The following CNTNAP5 variants were observed in gnomAD, a reference collection of about 807,000 sequenced individuals.
The protein encoded by CNTNAP5 is contactin-associated protein-like 5.
In CNTNAP5, 72 loss-of-function variants were observed where a neutral mutation model predicts 150.2. The ratio of observed to expected loss-of-function variants is 0.48; its 90% confidence interval spans 0.40 to 0.58. The LOEUF (loss-of-function observed/expected upper bound fraction) is 0.58, where lower values mean the gene tolerates loss of function less well. Among genes scored for constraint, CNTNAP5 ranks in the 20% least tolerant of loss-of-function variants. CNTNAP5 has a pLI of 0.00. For missense variants in CNTNAP5, 1,636 were observed against 1,626.2 expected (o/e 1.01, Z -0.10); for synonymous variants, 672 against 619.8 (o/e 1.08, Z -1.25).
intron 21 of CNTNAP5, among the ~76,000 whole-genome samples, chr2:124,877,290 T>C (rs893902745): frequency 2.6e-5 from 4 of 152,154 alleles, no homozygotes; most frequent in African/African-American, 9.6e-5. Context: ...TTACTCATTT[T>C]ATATCGTCAC....
intron 4 of CNTNAP5, among the ~76,000 whole-genome samples, chr2:124,423,462 C>T (rs192326486): frequency 3.3e-5 from 5 of 152,148 alleles, no homozygotes; most frequent in Admixed American, 3.3e-4. Flanking sequence ...GAAGTTCTGT[C>T]TGGGGGCTTC....
chr2:124,782,236 A>G (rs747072181), intron 17 of CNTNAP5, among the ~76,000 whole-genome samples: 1 of 151,696 alleles, frequency 6.6e-6, no homozygotes, highest in African/African-American at 2.4e-5. Context: ...GCTTCCTTCC[A>G]TTTATTCCTG....
chr2:124,072,828 T>C (rs1014938288), intron 1 of CNTNAP5, among the ~76,000 whole-genome samples: 3 of 151,962 alleles, frequency 2.0e-5, no homozygotes, highest in Admixed American at 1.3e-4. Flanking sequence ...AAAATACCAA[T>C]GACATCCTTC....
chr2:124,779,853 CT>C (rs1430441984), intron 17 of CNTNAP5, among the ~76,000 whole-genome samples: 1 of 152,164 alleles, frequency 6.6e-6, no homozygotes, highest in African/African-American at 2.4e-5. Flanking sequence ...GTACACCCCC[CT>C]ATCTCTGTGA....
At chr2:124,069,203 C>T (rs953345629) in intron 1 of CNTNAP5, among the ~76,000 whole-genome samples, 1 of 152,122 alleles carries the variant, frequency 6.6e-6, no homozygotes, top group Admixed American at 6.6e-5. Context: ...AGTGGCCTAG[C>T]AGAACTCCCT....
At chr2:124,725,523 T>C (rs1038747342) in intron 13 of CNTNAP5, among the ~76,000 whole-genome samples, 1 of 147,240 alleles carries the variant, frequency 6.8e-6, no homozygotes, top group Non-Finnish European at 1.5e-5. Flanking sequence ...TCCTCTTCTC[T>C]CCTCTTGTTT....
At chr2:124,341,878 A>C (rs1048865348) in intron 3 of CNTNAP5, among the ~76,000 whole-genome samples, 2 of 152,260 alleles carry the variant, frequency 1.3e-5, no homozygotes, top group Middle Eastern at 3.4e-3. Context: ...CAAGCTGACC[A>C]GTTTTGTCTT....
intron 1 of CNTNAP5, among the ~76,000 whole-genome samples, chr2:124,060,545 T>C (rs1243511710): frequency 1.3e-5 from 2 of 152,194 alleles, no homozygotes; most frequent in Non-Finnish European, 2.9e-5. Flanking sequence ...TTTGTGGGTA[T>C]ACCCGTATGG....
At chr2:124,824,693 G>A (rs1039748579) in intron 19 of CNTNAP5, among the ~76,000 whole-genome samples, 3 of 152,146 alleles carry the variant, frequency 2.0e-5, no homozygotes, top group Non-Finnish European at 4.4e-5. Context: ...GAGCCACTTT[G>A]CTCCCAGCTG....
At chr2:124,342,430 C>T (rs761177666) in intron 3 of CNTNAP5, among the ~76,000 whole-genome samples, 32 of 152,158 alleles carry the variant, frequency 2.1e-4, no homozygotes, top group Non-Finnish European at 4.0e-4. Flanking sequence ...ATGGCAGCCC[C>T]GTGAACCGTG....
chr2:124,204,521 T>A (rs1030376739), intron 1 of CNTNAP5, among the ~76,000 whole-genome samples: 3 of 152,184 alleles, frequency 2.0e-5, no homozygotes, highest in African/African-American at 7.2e-5. Context: ...ATTTACTGTT[T>A]TAGTCCATTT....
rs1189997225 is a variant in CNTNAP5 at position 124,713,215 on chromosome 2, CTCTGTTTCTTTCTTTCTTTCTTTCTT to C, written c.2078-34010_2078-33985del. ...CCTTCCTCCCTCCCTTCCTTTCTTT[CTCTGTTTCTTTCTTTCTTTCTTTCTT>C]TCTCTTTCTTTCTTTCTTTCTTTCT... On this transcript the variant is annotated intron_variant, in intron 13 of 23. Transcript: ENST00000682447. Among the ~76,000 whole-genome samples, 55 of 118,718 alleles carry C rather than the reference CTCTGTTTCTTTCTTTCTTTCTTTCTT, an allele frequency of 4.6e-4. 4 individuals carry two copies. Among genetic ancestry groups the C allele is most frequent in the African/African-American group, 1.5e-3 (49 of 31,704 alleles). 77.9% of individuals were successfully genotyped at this position (118,718 alleles called of 152,430 possible). A position where few individuals can be genotyped will look rare whatever the true frequency, so the allele number is the denominator to read the frequency against.
Position 124,561,205 on chromosome 2 carries a change from A to G in CNTNAP5, c.1650-2012A>G, listed in dbSNP as rs546637246. 4.6e-5 allele frequency among the ~76,000 whole-genome samples: 7 copies of G among 152,342 alleles called. No individual in the cohort carries two copies. In the South Asian group the frequency reaches 6.2e-4, roughly 14 times the overall value. On this transcript the variant is annotated intron_variant, in intron 10 of 23. Coordinates refer to ENST00000682447, the MANE Select transcript of CNTNAP5 (RefSeq NM_001367498.1). ...CTTCAGAAGAGAAAATTATGGCACA[A>G]GGTAAACTGCAGAAGAAGCAGTATT...
intron 19 of CNTNAP5, among the ~76,000 whole-genome samples, chr2:124,847,646 C>T (rs999387179): frequency 6.6e-6 from 1 of 152,146 alleles, no homozygotes; most frequent in Non-Finnish European, 1.5e-5. Flanking sequence ...CTTAGCTTTC[C>T]TGGTACGTTC....
At chr2:124,071,348 A>T (rs2104664554) in intron 1 of CNTNAP5, among the ~76,000 whole-genome samples, 1 of 152,054 alleles carries the variant, frequency 6.6e-6, no homozygotes, top group South Asian at 2.1e-4. Flanking sequence ...TAAATAATAA[A>T]GATTGGGGCA....
rs372982320 is a variant in CNTNAP5, at chr2:124,609,954, A to G, written c.1876+34A>G. On this transcript the variant is annotated intron_variant, in intron 12 of 23. Transcript: ENST00000682447. ...GCAGTAGCCCTACTCACACTTAACCACCCCACTTCATGGAAGGAAGCAAAA... is the reference window on the plus strand; with the variant it reads ...GCAGTAGCCCTACTCACACTTAACCGCCCCACTTCATGGAAGGAAGCAAAA... 2.4e-5 allele frequency: 38 copies of G among 1,576,454 alleles called. No individual in the cohort carries two copies. The African/African-American group carries it at 2.7e-4, about 11-fold the overall frequency.
chr2:124,886,021 C>T (rs926293489), intron 21 of CNTNAP5, among the ~76,000 whole-genome samples: 6 of 151,980 alleles, frequency 3.9e-5, no homozygotes, highest in African/African-American at 7.3e-5. Flanking sequence ...GCCATTAACA[C>T]GCGAGGGCTA....
chr2:124,274,987 G>T (rs779244047), intron 3 of CNTNAP5, among the ~76,000 whole-genome samples: 2 of 152,158 alleles, frequency 1.3e-5, no homozygotes, highest in Non-Finnish European at 2.9e-5. Context: ...TATGGCTGGG[G>T]TGGCCTCACA....
intron 1 of CNTNAP5, among the ~76,000 whole-genome samples, chr2:124,169,862 T>G (rs887820596): frequency 6.6e-6 from 1 of 152,202 alleles, no homozygotes; most frequent in Non-Finnish European, 1.5e-5. Context: ...GGTCCAACAA[T>G]TGATCTTATC....
Sources: allele counts gnomAD v4.1 joint callset (sites outside exome capture counted in the v4.1 genomes callset), GRCh38; gene constraint gnomAD v4.1.1; transcripts MANE v1.5; gene names NCBI Gene and HGNC (gene_info 2026-07-23, HGNC 2026-07-21).